SYNCRIP: variants seen among roughly 807,000 people sequenced by gnomAD.
The protein encoded by SYNCRIP is synaptotagmin binding cytoplasmic RNA interacting protein, also known as heterogeneous nuclear ribonucleoprotein Q.
A neutral mutation model predicts 68.9 loss-of-function variants in SYNCRIP; 9 were observed. The observed-to-expected ratio is 0.13, with a 90% CI of 0.08 to 0.23. SYNCRIP has a LOEUF of 0.23. Among genes scored for constraint, SYNCRIP ranks in the 10% least tolerant of loss-of-function variants. The pLI is 1.00. For synonymous variants in SYNCRIP, 258 were observed against 254.0 expected (o/e 1.02, Z -0.15); for missense variants, 414 against 770.6 (o/e 0.54, Z 5.48).
chr6:85,640,752 C>A (rs1238290756), intron 2 of SYNCRIP, among the ~76,000 whole-genome samples, 188 bp from the exon 3 acceptor site: 1 of 151,512 alleles, frequency 6.6e-6, no homozygotes, highest in Non-Finnish European at 1.5e-5. Context: ...GCCCTACCAA[C>A]CACACTTACA....
intron 4 of SYNCRIP, 109 bp from the exon 5 acceptor site, chr6:85,637,465 C>T: frequency 1.5e-6 from 1 of 673,636 alleles, no homozygotes; most frequent in Non-Finnish European, 2.4e-6. Context: ...TTGGCATGTT[C>T]CCTTATAAAA....
chr6:85,634,975 G>C (rs1334215610), intron 6 of SYNCRIP, among the ~76,000 whole-genome samples: 5 of 152,116 alleles, frequency 3.3e-5, no homozygotes, highest in African/African-American at 1.2e-4. Context: ...TTCAAGACCG[G>C]CCTGGCCAAC....
chr6:85,618,765 A>T, intron 10 of SYNCRIP, 53 bp downstream of exon 10: 1 of 1,429,204 alleles, frequency 7.0e-7, no homozygotes. Context: ...TTTTCCAATT[A>T]GTGTATAAAT....
At chr6:85,613,240 G>T (rs1805390666), downstream of SYNCRIP, among the ~76,000 whole-genome samples, 1 of 151,086 alleles carries the variant, frequency 6.6e-6, no homozygotes, top group African/African-American at 2.4e-5. Context: ...ACACCTTAAA[G>T]TTACCCATTA....
intron 7 of SYNCRIP, among the ~76,000 whole-genome samples, chr6:85,623,108 A>G (rs1172646233): frequency 6.6e-6 from 1 of 152,238 alleles, no homozygotes; most frequent in Admixed American, 6.5e-5. Flanking sequence ...ATAAAATAGA[A>G]GTTATAAGTA....
chr6:85,624,658 T>C (rs551876241), intron 6 of SYNCRIP, among the ~76,000 whole-genome samples: 1 of 152,298 alleles, frequency 6.6e-6, no homozygotes, highest in African/African-American at 2.4e-5. Context: ...GAAAGAGAAG[T>C]AGATTTGTCA....
chr6:85,642,331 C>T (rs906599741), intron 1 of SYNCRIP, among the ~76,000 whole-genome samples: 1 of 152,184 alleles, frequency 6.6e-6, no homozygotes, highest in African/African-American at 2.4e-5. Context: ...CTGTGCAGGT[C>T]CCCACCCCTT....
At chr6:85,629,516 C>CAAAAAAAA (rs781083306) in intron 6 of SYNCRIP, among the ~76,000 whole-genome samples, 129 of 64,908 alleles carry the variant, frequency 2.0e-3, no homozygotes, top group Middle Eastern at 0.012. Flanking sequence ...ACTAAAAATA[C>CAAAAAAAA]AAAAAAAAAA....
upstream of SYNCRIP, chr6:85,642,954 C>T (rs1428787617): frequency 6.6e-6 from 1 of 152,656 alleles, no homozygotes; most frequent in Non-Finnish European, 1.5e-5. Context: ...TTCCACTCGC[C>T]TCCGAGCGCG....
downstream of SYNCRIP, chr6:85,612,875 T>G: frequency 1.9e-6 from 3 of 1,550,560 alleles, no homozygotes; most frequent in Non-Finnish European, 2.6e-6. Flanking sequence ...ACATAGCAAG[T>G]CAGTCTTCAT....
At chr6:85,634,334 T>C (rs1321926260) in intron 6 of SYNCRIP, among the ~76,000 whole-genome samples, 1 of 151,972 alleles carries the variant, frequency 6.6e-6, no homozygotes, top group East Asian at 1.9e-4. Flanking sequence ...TAAGTTATAG[T>C]GGTCACCTAC....
In SYNCRIP at chr6:85,641,517, C is replaced by A. The variant is rs1340107969; in HGVS notation, c.-12-66G>T. 9.4e-6 allele frequency: 14 copies of A among 1,484,024 alleles called. No individual in the cohort carries two copies. In the Admixed American group the frequency reaches 1.0e-4, roughly 11 times the overall value. 91.9% of individuals were successfully genotyped at this position (1,484,024 alleles called of 1,614,324 possible). ...AAAAGAATACAAGACAATATGAGAG[C>A]CCCATCTTTACTTTCTCTACCATTT... On this transcript the variant is annotated intron_variant, in intron 1 of 10. Coordinates refer to ENST00000369622, the MANE Select transcript of SYNCRIP (RefSeq NM_006372.5).
chr6:85,607,834 T>C (rs1249542115), downstream of SYNCRIP: 3 of 152,078 alleles, frequency 2.0e-5, no homozygotes, highest in Non-Finnish European at 4.4e-5. Flanking sequence ...AAGTCAAACT[T>C]CCAGGACTGT....
At chr6:85,617,332 A>C (rs1210861726) in intron 10 of SYNCRIP, among the ~76,000 whole-genome samples, 1 of 151,936 alleles carries the variant, frequency 6.6e-6, no homozygotes, top group African/African-American at 2.4e-5. Context: ...ATCTCCCTCT[A>C]TCAAGTACCA....
At chr6:85,612,708 A>G (rs1583233793), downstream of SYNCRIP, 2 of 539,120 alleles carry the variant, frequency 3.7e-6, no homozygotes, top group Non-Finnish European at 6.0e-6. Flanking sequence ...AAAGAAATTC[A>G]TATCAAAGTC....
chr6:85,643,520 C>G (rs1009911805), upstream of SYNCRIP, among the ~76,000 whole-genome samples: 2 of 152,074 alleles, frequency 1.3e-5, no homozygotes, highest in African/African-American at 4.8e-5. Context: ...GACACTCCCC[C>G]TCCCTCTCCC....
chr6:85,616,575 C>A (rs961953717), intron 10 of SYNCRIP, among the ~76,000 whole-genome samples: 1 of 149,568 alleles, frequency 6.7e-6, no homozygotes, highest in Non-Finnish European at 1.5e-5. Flanking sequence ...CCACCCACCT[C>A]GGCCTAGAGT....
upstream of SYNCRIP, chr6:85,643,844 C>T (rs975540326): frequency 2.0e-5 from 3 of 152,294 alleles, no homozygotes; most frequent in Non-Finnish European, 2.9e-5. Flanking sequence ...GCGCTCTCCT[C>T]CTCGGGAAGC....
intron 10 of SYNCRIP, 106 bp downstream of exon 10, chr6:85,618,712 A>G: frequency 1.1e-6 from 1 of 938,452 alleles, no homozygotes; most frequent in South Asian, 1.8e-5. Flanking sequence ...AGTCTTCTTT[A>G]AAGAGATGTT....
Sources: allele counts gnomAD v4.1 joint callset (sites outside exome capture counted in the v4.1 genomes callset), GRCh38; gene constraint gnomAD v4.1.1; transcripts MANE v1.5; gene names NCBI Gene and HGNC (gene_info 2026-07-23, HGNC 2026-07-21).